Variants in CRTC1 observed in about 807,000 individuals in gnomAD.
The protein encoded by CRTC1 is CREB-regulated transcription coactivator 1.
Under a neutral mutation model 66.1 loss-of-function variants are expected in CRTC1, and 18 were observed. The ratio of observed to expected loss-of-function variants is 0.27; its 90% CI spans 0.19 to 0.40. The LOEUF (loss-of-function observed/expected upper bound fraction) is 0.40, where lower values mean the gene tolerates loss of function less well. CRTC1 is among the 10% of genes least tolerant of loss of function. The probability of loss-of-function intolerance (pLI) is 1.00; values close to 1 mark genes in which losing one functional copy is unlikely to be tolerated. For synonymous variants in CRTC1, 416 were observed against 398.8 expected (o/e 1.04, Z -0.51); for missense variants, 669 against 887.9 (o/e 0.75, Z 3.13).
At chr19:18,773,813 G>A (rs1052937571) in intron 11 of CRTC1, among the ~76,000 whole-genome samples, 2 of 151,988 alleles carry the variant, frequency 1.3e-5, no homozygotes, top group African/African-American at 4.8e-5. Context: ...GTCTGTCTCT[G>A]TTGTCTGCCC....
chr19:18,708,113 G>A (rs2053306599), intron 1 of CRTC1, among the ~76,000 whole-genome samples: 1 of 152,210 alleles, frequency 6.6e-6, no homozygotes, highest in African/African-American at 2.4e-5. Context: ...GGTGGGTAGG[G>A]AAGGGAAGGC....
Position 18,736,314 on chromosome 19 carries a change from C to T in CRTC1, c.127-6596C>T, listed in dbSNP as rs77425552. Among the ~76,000 whole-genome samples the T allele has an allele frequency of 2.0e-3, 308 of 150,482 alleles. 7 individuals carry two copies. The highest frequency in any genetic ancestry group is 7.4e-3 in the African/African-American group (294 of 39,862). ...TATGGGGCTGCAGGGTCAAGGGGTG[C>T]GAATCCCCGGGGTCCTGGTCAGCTC... On this transcript the variant is annotated intron_variant, in intron 1 of 13. Coordinates refer to ENST00000321949, the MANE Select transcript of CRTC1 (RefSeq NM_015321.3).
chr19:18,775,335 CGG>C (rs2054963435), intron 12 of CRTC1, among the ~76,000 whole-genome samples: 1 of 152,228 alleles, frequency 6.6e-6, no homozygotes, highest in Non-Finnish European at 1.5e-5. Flanking sequence ...GCGGGTTTGC[CGG>C]GAGGTCGTGC....
Position 18,768,540 on chromosome 19 carries a change from C to T in CRTC1, c.1067C>T (p.Thr356Ile). ...LEQQLPYAFFTQAGSQQPPPQ... is the reference protein window; with the variant it reads ...LEQQLPYAFFIQAGSQQPPPQ... ...CAGCAGCTGCCCTACGCCTTCTTCA[C>T]CCAGGCGGGCTCCCAGCAGCCACCG... Residue 356 changes from threonine to isoleucine, a missense_variant, in exon 10 of 14, where the codon ACC becomes ATC. Physicochemically the swap from Thr to Ile is moderately conservative, Grantham distance 89. Coordinates refer to ENST00000321949, the MANE Select transcript of CRTC1 (RefSeq NM_015321.3). The surrounding 1 kb of genome is among the most constrained non-coding windows in gnomAD (Gnocchi z 5.6). The T allele has an allele frequency of 2.5e-6, 4 of 1,607,912 alleles. No homozygotes were observed. The highest frequency in any genetic ancestry group is 3.4e-6 in the Non-Finnish European group (4 of 1,178,472).
At chr19:18,730,959 CTCCCTCCT>C (rs55766461) in intron 1 of CRTC1, among the ~76,000 whole-genome samples, 38,425 of 151,446 alleles carry the variant, frequency 0.25, 5,126 homozygotes, top group Middle Eastern at 0.31. Flanking sequence ...CCTTCCCTCC[CTCCCTCCT>C]TCCCTCCTTC....
chr19:18,770,782 G>A (rs1369787235), intron 10 of CRTC1, among the ~76,000 whole-genome samples: 4 of 151,204 alleles, frequency 2.6e-5, no homozygotes, highest in Admixed American at 1.3e-4. Context: ...ACATTTTGGT[G>A]TGTGAATATA....
chr19:18,756,978 C>G (rs1439717751), intron 6 of CRTC1, among the ~76,000 whole-genome samples: 1 of 152,248 alleles, frequency 6.6e-6, no homozygotes, highest in East Asian at 1.9e-4. Flanking sequence ...AGCCGGCGTT[C>G]TCCACAGAGG....
At position 18,775,696 on chromosome 19, in the gene CRTC1, C is replaced by T. The variant is rs369158148; in HGVS notation, c.1568C>T (p.Pro523Leu). 45 of 1,612,454 alleles carry T rather than the reference C, an allele frequency of 2.8e-5. No individual in the cohort carries two copies. Among genetic ancestry groups the T allele is most frequent in the Non-Finnish European group, 3.5e-5 (41 of 1,179,752 alleles). Residue 523 changes from proline to leucine, a missense_variant, in exon 13 of 14, where the codon CCG (proline) becomes CTG (leucine). By Grantham distance (98) the Pro-to-Leu change is moderately conservative. Transcript: ENST00000321949. ...NAISSSSLYSPGSTLNYSQAA... is the reference protein window; with the variant it reads ...NAISSSSLYSLGSTLNYSQAA... ...ATCAGCTCCAGCAGCCTGTACAGCC[C>T]GGGCTCCACACTCAACTACTCGCAG...
intron 1 of CRTC1, among the ~76,000 whole-genome samples, chr19:18,689,908 C>T (rs910852344): frequency 4.0e-5 from 6 of 151,686 alleles, no homozygotes; most frequent in East Asian, 1.9e-4. Context: ...TTGAGGACGT[C>T]GTGTGTCTCA....
chr19:18,688,578 G>A (rs10420228), intron 1 of CRTC1, among the ~76,000 whole-genome samples: 101,176 of 151,772 alleles, frequency 0.67, 35,492 homozygotes, highest in African/African-American at 0.9. Flanking sequence ...AGCTGGAATT[G>A]CAGGCATGCA....
chr19:18,777,182 T>TC lies in CRTC1; in HGVS notation c.1713dup (p.Ser572GlnfsTer4), dbSNP rs769538822. ...ACCCCATCCCCCAGTGACAGGAGAG[T>TC]CCCCCCCCAGCCTCTCTAAAGAACT... is the stretch of plus-strand genomic sequence containing the variant. On this transcript the variant is annotated frameshift_variant, in exon 14 of 14. Coordinates refer to ENST00000321949, the MANE Select transcript of CRTC1 (RefSeq NM_015321.3). LOFTEE classifies it high-confidence loss of function. The surrounding 1 kb of genome is among the most constrained non-coding windows in gnomAD (Gnocchi z 5.5). 1.1e-4 allele frequency: 121 copies of TC among 1,087,988 alleles called. No individual in the cohort carries two copies. The highest frequency in any genetic ancestry group is 1.2e-4 in the Non-Finnish European group (102 of 825,170). 67.4% of individuals were successfully genotyped at this position (1,087,988 alleles called of 1,614,324 possible). A position where few individuals can be genotyped will look rare whatever the true frequency, so the allele number is the denominator to read the frequency against.
At chr19:18,744,269 T>G in intron 2 of CRTC1, 1 of 991,676 alleles carries the variant, frequency 1.0e-6, no homozygotes, top group Non-Finnish European at 1.5e-6. Context: ...CCCCTGCGGC[T>G]CCCAGGGAGG....
At chr19:18,740,046 G>A (rs2054079166) in intron 1 of CRTC1, among the ~76,000 whole-genome samples, 1 of 151,860 alleles carries the variant, frequency 6.6e-6, no homozygotes, top group Non-Finnish European at 1.5e-5. Flanking sequence ...TGAGGTCAGG[G>A]GTTCAAGACC....
At chr19:18,765,633 C>T (rs2054714544) in intron 9 of CRTC1, 105 bp downstream of exon 9, 1 of 1,078,938 alleles carries the variant, frequency 9.3e-7, no homozygotes, top group Non-Finnish European at 1.3e-6. Flanking sequence ...GCCACAAAAC[C>T]TTGAGAATGC....
chr19:18,716,145 G>C lies in CRTC1; in HGVS notation c.127-26765G>C, dbSNP rs535332197. Among the ~76,000 whole-genome samples, 11 of 152,248 alleles carry C rather than the reference G, an allele frequency of 7.2e-5. No homozygotes were observed. In the South Asian group the frequency reaches 1.2e-3, roughly 17 times the overall value. On this transcript the variant is annotated intron_variant, in intron 1 of 13. Coordinates refer to ENST00000321949, the MANE Select transcript of CRTC1 (RefSeq NM_015321.3). Reference sequence around the variant, plus strand: ...AGTGCCCCGCCCTGGGGACCCTGTAGTGAGTGCAGCAGCCACAGCCCACCC... The same window carrying C: ...AGTGCCCCGCCCTGGGGACCCTGTACTGAGTGCAGCAGCCACAGCCCACCC...
At chr19:18,767,175 T>A (rs937194748) in intron 9 of CRTC1, among the ~76,000 whole-genome samples, 28 of 152,230 alleles carry the variant, frequency 1.8e-4, no homozygotes, top group African/African-American at 5.5e-4. Flanking sequence ...TTGACATTTT[T>A]AAAATTTTTT....
chr19:18,772,927 TG>T (rs974692841), intron 11 of CRTC1, among the ~76,000 whole-genome samples: 1 of 151,910 alleles, frequency 6.6e-6, no homozygotes, highest in African/African-American at 2.4e-5. Context: ...GCAGCCCAGG[TG>T]GGGCTGGTTC....
intron 11 of CRTC1, among the ~76,000 whole-genome samples, chr19:18,774,023 C>A (rs989169083): frequency 1.3e-5 from 2 of 152,192 alleles, no homozygotes; most frequent in African/African-American, 2.4e-5. Flanking sequence ...ACATGCCTTA[C>A]GCTATAGCTC....
intron 1 of CRTC1, among the ~76,000 whole-genome samples, chr19:18,710,554 C>T (rs1247493456): frequency 2.0e-5 from 3 of 152,268 alleles, no homozygotes; most frequent in East Asian, 1.9e-4. Context: ...CAGAGGGTAG[C>T]GAGGGTCACA....
Sources: allele counts gnomAD v4.1 joint callset (sites outside exome capture counted in the v4.1 genomes callset), GRCh38; gene constraint gnomAD v4.1.1; non-coding constraint Gnocchi (gnomAD v3.1); transcripts MANE v1.5; gene names NCBI Gene and HGNC (gene_info 2026-07-23, HGNC 2026-07-21).